Variants in BACH2 observed in about 807,000 individuals in gnomAD.
The protein encoded by BACH2 is transcription regulator protein BACH2.
BACH2 carries 5 observed loss-of-function variants against 61.8 expected under a neutral mutation model. That is an observed-to-expected ratio of 0.08 (90% CI 0.04 to 0.17). The LOEUF is 0.17. Ranked by LOEUF, BACH2 falls within the 10% of genes least tolerant of loss-of-function variation. The pLI is 1.00. For missense variants in BACH2, 824 were observed against 1,091.1 expected, an observed-to-expected ratio of 0.76 and a Z score of 3.45; for synonymous variants, 446 against 440.1, an observed-to-expected ratio of 1.01 and a Z score of -0.17.
intron 5 of BACH2, among the ~76,000 whole-genome samples, chr6:90,026,182 T>C (rs529138611): frequency 6.6e-6 from 1 of 152,326 alleles, no homozygotes; most frequent in Non-Finnish European, 1.5e-5. Context: ...TTAGCATTTC[T>C]GTCAAACCTA....
chr6:90,097,540 C>T (rs1782430054), intron 4 of BACH2, among the ~76,000 whole-genome samples: 1 of 152,162 alleles, frequency 6.6e-6, no homozygotes, highest in African/African-American at 2.4e-5. Context: ...CTACGACTTA[C>T]ATATTCATAC....
intron 4 of BACH2, among the ~76,000 whole-genome samples, chr6:90,113,095 A>G (rs943673675): frequency 2.0e-5 from 3 of 152,326 alleles, no homozygotes; most frequent in Admixed American, 2.0e-4. Context: ...GAGCACTCAG[A>G]TTTATAAAGC....
At chr6:90,156,874 G>A (rs1235888825) in intron 4 of BACH2, among the ~76,000 whole-genome samples, 6 of 152,130 alleles carry the variant, frequency 3.9e-5, no homozygotes, top group East Asian at 1.9e-4. Context: ...TGACCCAGGC[G>A]GCCCTGAAAA....
At chr6:90,258,794 A>C (rs1174597761) in intron 2 of BACH2, among the ~76,000 whole-genome samples, 1 of 151,850 alleles carries the variant, frequency 6.6e-6, no homozygotes, top group Non-Finnish European at 1.5e-5. Context: ...ATTTATTCCT[A>C]GGTATTTTGT....
At chr6:90,196,783 T>C (rs905227028) in intron 4 of BACH2, among the ~76,000 whole-genome samples, 1 of 152,132 alleles carries the variant, frequency 6.6e-6, no homozygotes, top group East Asian at 1.9e-4. Flanking sequence ...TAACTGAAAC[T>C]AGCCTCAAGA....
intron 7 of BACH2, among the ~76,000 whole-genome samples, chr6:89,946,130 A>G (rs1773706481): frequency 6.6e-6 from 1 of 152,246 alleles, no homozygotes; most frequent in Non-Finnish European, 1.5e-5. Context: ...TAATATTCCT[A>G]ATATTAGGGA....
At chr6:90,037,221 C>T (rs1324497383) in intron 5 of BACH2, among the ~76,000 whole-genome samples, 1 of 152,152 alleles carries the variant, frequency 6.6e-6, no homozygotes, top group Non-Finnish European at 1.5e-5. Context: ...AAAATCCATA[C>T]CCATGCCCAG....
intron 6 of BACH2, among the ~76,000 whole-genome samples, chr6:89,995,598 G>A (rs911406759): frequency 7.9e-5 from 12 of 151,978 alleles, no homozygotes; most frequent in African/African-American, 2.7e-4. Flanking sequence ...CTTTGTTTCC[G>A]CATGTGTTGT....
chr6:89,975,310 G>A (rs751843185), intron 6 of BACH2, among the ~76,000 whole-genome samples: 3 of 152,184 alleles, frequency 2.0e-5, no homozygotes, highest in Non-Finnish European at 4.4e-5. Context: ...TATGGAACTC[G>A]ACTGATACTG....
intron 4 of BACH2, among the ~76,000 whole-genome samples, chr6:90,168,595 A>G (rs1767708219): frequency 6.6e-6 from 1 of 152,160 alleles, no homozygotes; most frequent in African/African-American, 2.4e-5. Context: ...TAGCCCTTAG[A>G]GTCTCAGTAA....
intron 2 of BACH2, among the ~76,000 whole-genome samples, chr6:90,259,187 T>A (rs1771080050): frequency 6.6e-6 from 1 of 152,208 alleles, no homozygotes; most frequent in Non-Finnish European, 1.5e-5. Flanking sequence ...CCCCATGTAT[T>A]ATAATGTTAG....
chr6:90,099,411 C>T (rs1344381872), intron 4 of BACH2, among the ~76,000 whole-genome samples: 33 of 152,150 alleles, frequency 2.2e-4, no homozygotes, highest in Admixed American at 2.2e-3. Flanking sequence ...CAGGGTCTTG[C>T]TCTGTCACCC....
intron 5 of BACH2, among the ~76,000 whole-genome samples, chr6:90,020,108 T>C (rs540691179): frequency 6.6e-6 from 1 of 152,338 alleles, no homozygotes; most frequent in African/African-American, 2.4e-5. Flanking sequence ...ATAATAATTC[T>C]TTATGCCATG....
At chr6:90,065,992 T>C (rs949889605) in intron 5 of BACH2, among the ~76,000 whole-genome samples, 2 of 152,214 alleles carry the variant, frequency 1.3e-5, no homozygotes, top group African/African-American at 4.8e-5. Context: ...ATGGGTAGAA[T>C]ATGACAGTTC....
chr6:90,215,037 G>C lies in BACH2; in HGVS notation c.-274-8356C>G, dbSNP rs984001534. Among the ~76,000 whole-genome samples, 3 of 152,108 alleles carry C rather than the reference G, an allele frequency of 2.0e-5. No homozygotes were observed. In the East Asian group the frequency reaches 5.8e-4, roughly 29 times the overall value. On this transcript the variant is annotated intron_variant, in intron 3 of 8. Transcript: ENST00000257749. ...CCCAAATTGCTGGGATTACAGGCAT[G>C]AGCCACTGTATCTGGCCATATTCTG...
At position 90,214,841 on chromosome 6, in the gene BACH2, A is replaced by G. The variant is rs1274141201; in HGVS notation, c.-274-8160T>C. Among the ~76,000 whole-genome samples, 5 of 147,424 alleles carry G rather than the reference A, an allele frequency of 3.4e-5. No homozygotes were observed. The Admixed American group carries it at 3.5e-4, about 10-fold the overall frequency. ...GAGTGGTGCCATCTTGGCTCACTGA[A>G]GCCTCAACCTCCCAGGCTCAAGTGA... is the stretch of plus-strand genomic sequence containing the variant. On this transcript the variant is annotated intron_variant, in intron 3 of 8. Transcript: ENST00000257749.
intron 4 of BACH2, among the ~76,000 whole-genome samples, chr6:90,117,855 T>C (rs1333792878): frequency 2.6e-5 from 4 of 152,184 alleles, no homozygotes; most frequent in Admixed American, 6.5e-5. Context: ...TTCTCCATTA[T>C]TTTGTGTTTT....
Position 89,951,464 on chromosome 6 carries a change from T to G in BACH2, c.642A>C (p.Thr214=). The change falls in exon 7 of 9, where the codon ACA becomes ACC. Residue 214 remains threonine (T), a synonymous_variant. Coordinates refer to ENST00000257749, the MANE Select transcript of BACH2 (RefSeq NM_021813.4). The surrounding 1 kb of genome is among the most constrained non-coding windows in gnomAD (Gnocchi z 6.4). The part of the protein sequence containing the change: ...EALLPEPDVP[T]DTKESSEKDA... ...CCTTTTCTGAGCTCTCCTTGGTGTC[T>G]GTGGGCACGTCAGGCTCGGGCAGCA... The G allele has an allele frequency of 6.2e-7, 1 of 1,614,232 alleles. No homozygotes were observed. Among genetic ancestry groups the G allele is most frequent in the Non-Finnish European group, 8.5e-7 (1 of 1,180,032 alleles).
At chr6:90,169,972 AT>A (rs1372844555) in intron 4 of BACH2, among the ~76,000 whole-genome samples, 1 of 152,102 alleles carries the variant, frequency 6.6e-6, no homozygotes, top group East Asian at 1.9e-4. Context: ...AAACCTGAGG[AT>A]TTTTTACAAG....
Sources: allele counts gnomAD v4.1 joint callset (sites outside exome capture counted in the v4.1 genomes callset), GRCh38; gene constraint gnomAD v4.1.1; non-coding constraint Gnocchi (gnomAD v3.1); transcripts MANE v1.5; gene names NCBI Gene and HGNC (gene_info 2026-07-23, HGNC 2026-07-21).